The following CFAP184 variants were observed in gnomAD, a reference collection of about 807,000 sequenced individuals.
CFAP184 encodes the protein cilia and flagella associated protein 184.
At chr4:7,041,384 C>T in the CFAP184 span, 1 of 1,614,222 alleles carries the variant, frequency 6.2e-7, no homozygotes, top group Non-Finnish European at 8.5e-7. Context: ...TGAAGCAGTT[C>T]GGTCTTGTCC....
the CFAP184 span, chr4:7,041,442 G>A: frequency 1.9e-6 from 3 of 1,614,216 alleles, no homozygotes; most frequent in South Asian, 2.2e-5. Context: ...CTAGAAGGCC[G>A]CACTTCTGAT....
At chr4:7,042,380 C>T in the CFAP184 span, 1 of 1,611,984 alleles carries the variant, frequency 6.2e-7, no homozygotes, top group East Asian at 2.2e-5. Flanking sequence ...CGTCCTTCCC[C>T]ATCCCTCTCC....
the CFAP184 span, chr4:7,041,972 C>A: frequency 2.5e-6 from 4 of 1,612,564 alleles, no homozygotes; most frequent in Admixed American, 6.7e-5. Context: ...TCCTTCTCCA[C>A]CCTGGTGAGC....
At chr4:7,042,780 C>T in the CFAP184 span, 7 of 1,437,344 alleles carry the variant, frequency 4.9e-6, no homozygotes, top group South Asian at 9.0e-5. Context: ...AAGCCGCTTG[C>T]TCCTCCTCCT....
the CFAP184 span, chr4:7,042,389 C>G: frequency 6.2e-7 from 1 of 1,612,252 alleles, no homozygotes; most frequent in Non-Finnish European, 8.5e-7. Context: ...CCATCCCTCT[C>G]CTTGCTCTCC....
chr4:7,041,852 C>T, the CFAP184 span: 2 of 1,610,180 alleles, frequency 1.2e-6, no homozygotes, highest in South Asian at 1.1e-5. Flanking sequence ...TCCTCCAACG[C>T]CTGGATCTGC....
At chr4:7,041,253 C>T in the CFAP184 span, 4 of 1,546,144 alleles carry the variant, frequency 2.6e-6, no homozygotes, top group South Asian at 4.8e-5. Context: ...GTTTTGCAGA[C>T]TCTTCTCATC....
At chr4:7,041,390 T>C in the CFAP184 span, 1 of 1,614,240 alleles carries the variant, frequency 6.2e-7, no homozygotes, top group African/African-American at 1.3e-5. Flanking sequence ...AGTTCGGTCT[T>C]GTCCACCTTT....
At chr4:7,042,114 G>A in the CFAP184 span, 1 of 1,607,790 alleles carries the variant, frequency 6.2e-7, no homozygotes, top group Non-Finnish European at 8.5e-7. Flanking sequence ...CGGGGGCCTC[G>A]GCCTCTGCGC....
At chr4:7,042,964 G>T in the CFAP184 span, 2 of 1,401,066 alleles carry the variant, frequency 1.4e-6, no homozygotes, top group Non-Finnish European at 1.9e-6. Context: ...CCAGCGCAGC[G>T]GACCCCGGCA....
At chr4:7,042,086 G>C in the CFAP184 span, 1 of 1,610,024 alleles carries the variant, frequency 6.2e-7, no homozygotes, top group Non-Finnish European at 8.5e-7. Context: ...AGATGGCGCA[G>C]GTACGCTTGC....
At chr4:7,041,747 C>T in the CFAP184 span, 1 of 1,613,804 alleles carries the variant, frequency 6.2e-7, no homozygotes, top group South Asian at 1.1e-5. Flanking sequence ...TGGGTCAGGT[C>T]CTCCTGGGTC....
chr4:7,042,542 C>T, the CFAP184 span: 5 of 1,588,492 alleles, frequency 3.1e-6, no homozygotes, highest in African/African-American at 5.4e-5. Context: ...TTCCCCTCTG[C>T]CGCCTGCTCC....
the CFAP184 span, chr4:7,042,567 C>T: frequency 1.3e-6 from 2 of 1,561,682 alleles, no homozygotes; most frequent in South Asian, 1.2e-5. Context: ...CCTCCGCCCC[C>T]GCCTCCGCCT....
the CFAP184 span, chr4:7,041,274 AG>A: frequency 6.3e-7 from 1 of 1,588,894 alleles, no homozygotes; most frequent in Non-Finnish European, 8.6e-7. Context: ...GATCTGGTCA[AG>A]AAGGGAGAAA....
At chr4:7,042,573 C>T in the CFAP184 span, 7 of 1,559,076 alleles carry the variant, frequency 4.5e-6, no homozygotes, top group Non-Finnish European at 5.2e-6. Context: ...CCCCCGCCTC[C>T]GCCTCTAGTT....
chr4:7,042,417 C>G, the CFAP184 span: 1 of 1,612,130 alleles, frequency 6.2e-7, no homozygotes, highest in Admixed American at 1.7e-5. Context: ...CTCTCTGCGT[C>G]TCCTCCTTGT....
chr4:7,041,623 C>A, the CFAP184 span: 488 of 1,614,242 alleles, frequency 3.0e-4, 4 homozygotes, highest in Middle Eastern at 1.5e-3. Flanking sequence ...TACTTGCACA[C>A]TGTTGGTCAC....
chr4:7,041,377 A>G, the CFAP184 span: 3 of 1,614,080 alleles, frequency 1.9e-6, no homozygotes, highest in African/African-American at 2.7e-5. Context: ...GCGCCGGTGA[A>G]GCAGTTCGGT....
Sources: gnomAD v4.1 joint callset for allele counts on GRCh38, gnomAD v4.1.1 for gene constraint, MANE v1.5 for transcripts, NCBI Gene and HGNC (gene_info 2026-07-23, HGNC 2026-07-21) for gene names.